STAG1: variants seen among roughly 807,000 people sequenced by gnomAD.
STAG1 encodes the protein STAG1 cohesin complex component.
Under a neutral mutation model 170.9 loss-of-function variants are expected in STAG1, and 26 were observed. The ratio of observed to expected loss-of-function variants is 0.15; its 90% confidence interval spans 0.11 to 0.21. STAG1 has a LOEUF of 0.21. Ranked by LOEUF, STAG1 falls within the 10% of genes least tolerant of loss-of-function variation. STAG1 has a pLI of 1.00. For missense variants in STAG1, 964 were observed against 1,509.5 expected, an observed-to-expected ratio of 0.64 and a Z score of 5.99; for synonymous variants, 514 against 497.7, an observed-to-expected ratio of 1.03 and a Z score of -0.44.
rs937703593 is a variant in STAG1, at chr3:136,382,463, C to T, written c.2278-4711G>A. Among the ~76,000 whole-genome samples the T allele has an allele frequency of 6.1e-4, 89 of 146,420 alleles. 1 individual carries two copies. Among genetic ancestry groups the T allele is most frequent in the Admixed American group, 9.8e-4 (14 of 14,274 alleles). ...TATCGCCCAGGCTGGAGTGCAGTGG[C>T]GCTATCTCGGCTCATTGCAACCTCT... is the stretch of plus-strand genomic sequence containing the variant. On this transcript the variant is annotated intron_variant, in intron 22 of 33. Transcript: ENST00000383202.
At chr3:136,472,896 C>T (rs759527385) in intron 11 of STAG1, among the ~76,000 whole-genome samples, 1 of 152,124 alleles carries the variant, frequency 6.6e-6, no homozygotes, top group African/African-American at 2.4e-5. Context: ...GTAGTAAAAG[C>T]AGGGGTCCCC....
At chr3:136,413,943 C>CAGTGCATAT (rs1477568348) in intron 21 of STAG1, among the ~76,000 whole-genome samples, 1 of 152,194 alleles carries the variant, frequency 6.6e-6, no homozygotes, top group Admixed American at 6.5e-5. Flanking sequence ...TTTGGTTTCG[C>CAGTGCATAT]AGTGCATATA....
intron 13 of STAG1, among the ~76,000 whole-genome samples, chr3:136,453,653 G>T (rs1164039482): frequency 6.6e-6 from 1 of 151,482 alleles, no homozygotes; most frequent in Non-Finnish European, 1.5e-5. Context: ...AGGTAAAAGG[G>T]AATCTTAGGA....
intron 5 of STAG1, among the ~76,000 whole-genome samples, chr3:136,557,077 CCAAA>C (rs1218423007): frequency 6.6e-6 from 1 of 151,788 alleles, no homozygotes; most frequent in Non-Finnish European, 1.5e-5. Flanking sequence ...TGCAAAAATC[CCAAA>C]CAATTAGCCA....
chr3:136,745,056 AT>A (rs1487131237), intron 1 of STAG1, among the ~76,000 whole-genome samples: 2 of 152,148 alleles, frequency 1.3e-5, no homozygotes, highest in Non-Finnish European at 2.9e-5. Context: ...CATGAAACTT[AT>A]TTTCATTGTG....
chr3:136,704,844 AAAG>A (rs1305558876), intron 1 of STAG1, among the ~76,000 whole-genome samples: 58 of 151,146 alleles, frequency 3.8e-4, no homozygotes, highest in Non-Finnish European at 3.0e-4. Flanking sequence ...AAAAAAAAAA[AAAG>A]ATAAAGAAGA....
At chr3:136,399,086 A>C (rs2087246694) in intron 21 of STAG1, among the ~76,000 whole-genome samples, 1 of 152,210 alleles carries the variant, frequency 6.6e-6, no homozygotes, top group African/African-American at 2.4e-5. Context: ...ACAAAAATGT[A>C]GTGTCATGAA....
intron 26 of STAG1, among the ~76,000 whole-genome samples, chr3:136,362,782 C>T (rs1021554919): frequency 2.6e-5 from 4 of 151,760 alleles, no homozygotes; most frequent in African/African-American, 7.3e-5. Flanking sequence ...TTTGGGTACA[C>T]ATTAGGTAGG....
intron 14 of STAG1, among the ~76,000 whole-genome samples, chr3:136,448,066 G>T (rs2088835603): frequency 6.6e-6 from 1 of 152,084 alleles, no homozygotes; most frequent in Non-Finnish European, 1.5e-5. Flanking sequence ...GTCACAGGTT[G>T]AAACATCTTA....
chr3:136,651,264 G>C (rs1941207097), intron 1 of STAG1, among the ~76,000 whole-genome samples: 1 of 151,730 alleles, frequency 6.6e-6, no homozygotes, highest in South Asian at 2.1e-4. Flanking sequence ...TACTTCAGAG[G>C]CTGAGGTGGG....
intron 23 of STAG1, among the ~76,000 whole-genome samples, chr3:136,377,252 T>C (rs1937648889): frequency 6.8e-6 from 1 of 147,644 alleles, no homozygotes; most frequent in Non-Finnish European, 1.5e-5. Flanking sequence ...CTGGGCGCAG[T>C]GGCGGGTGCC....
At position 136,369,261 on chromosome 3, in the gene STAG1, G is replaced by A. The variant is rs767563644; in HGVS notation, c.2392C>T (p.Leu798Phe). The change falls in exon 24 of 34, where the codon CTT becomes TTT. Residue 798 changes from leucine to phenylalanine, a missense_variant. Leu to Phe is a conservative substitution (Grantham distance 22). Coordinates refer to ENST00000383202, the MANE Select transcript of STAG1 (RefSeq NM_005862.3). ...KEQAFMLLCD[L>F]LMIFSHQLMT... is the part of the protein sequence containing the mutation. ...AATTGGTGGCTGAAAATCATCAGAA[G>A]ATCACAGAGTAACATGAAAGCCTGG... 1.9e-6 allele frequency: 3 copies of A among 1,596,560 alleles called. No individual in the cohort carries two copies. The Admixed American group carries it at 5.5e-5, about 29-fold the overall frequency.
chr3:136,512,096 TAAAAAAAAAAAAAAA>T (rs35238532), intron 7 of STAG1, among the ~76,000 whole-genome samples: 1 of 68,316 alleles, frequency 1.5e-5, no homozygotes. Context: ...CTCTACAAAA[TAAAAAAAAAAAAAAA>T]AAAAAAAAAG....
intron 1 of STAG1, among the ~76,000 whole-genome samples, chr3:136,681,650 C>T (rs1195348401): frequency 1.3e-5 from 2 of 152,134 alleles, no homozygotes; most frequent in Non-Finnish European, 2.9e-5. Context: ...AAACAAAACA[C>T]TAGCAAACTG....
chr3:136,556,721 T>C (rs1323491294), intron 5 of STAG1, among the ~76,000 whole-genome samples: 4 of 151,984 alleles, frequency 2.6e-5, no homozygotes, highest in African/African-American at 9.7e-5. Context: ...TAACTGAGAC[T>C]ACAGGCACAC....
chr3:136,354,336 A>G (rs535243987), intron 28 of STAG1, among the ~76,000 whole-genome samples: 1 of 152,316 alleles, frequency 6.6e-6, no homozygotes, highest in East Asian at 1.9e-4. Flanking sequence ...TCTATCGTCC[A>G]GGGTGGAGTG....
intron 1 of STAG1, among the ~76,000 whole-genome samples, chr3:136,719,547 AG>A (rs1307102504): frequency 6.7e-6 from 1 of 150,260 alleles, no homozygotes; most frequent in Non-Finnish European, 1.5e-5. Flanking sequence ...CAGAAAAGCA[AG>A]GAGCGGCAGC....
intron 1 of STAG1, among the ~76,000 whole-genome samples, chr3:136,644,794 T>C (rs1031679507): frequency 5.3e-5 from 8 of 152,162 alleles, no homozygotes; most frequent in Admixed American, 1.3e-4. Flanking sequence ...GATCTCAGCA[T>C]ACTGGAACCT....
chr3:136,527,652 A>G (rs1935114582), intron 6 of STAG1, among the ~76,000 whole-genome samples: 1 of 151,812 alleles, frequency 6.6e-6, no homozygotes, highest in Non-Finnish European at 1.5e-5. Flanking sequence ...TTGGAGGGGG[A>G]GAGGCAATCT....
Sources: gnomAD v4.1 joint callset for allele counts (sites outside exome capture counted in the v4.1 genomes callset) on GRCh38, gnomAD v4.1.1 for gene constraint, MANE v1.5 for transcripts, NCBI Gene and HGNC (gene_info 2026-07-23, HGNC 2026-07-21) for gene names.